Variants in TNFAIP8 observed in about 807,000 individuals in gnomAD.
TNFAIP8 encodes the protein tumor necrosis factor alpha-induced protein 8.
A neutral mutation model predicts 13.3 loss-of-function variants in TNFAIP8; 7 were observed. That is an observed-to-expected ratio of 0.52 (90% CI 0.30 to 0.99). The LOEUF is 0.99. Ranked by LOEUF, TNFAIP8 falls within the 50% of genes least tolerant of loss-of-function variation. The pLI is 0.07. For synonymous variants in TNFAIP8, 94 were observed against 87.6 expected (o/e 1.07, Z -0.41); for missense variants, 258 against 236.9 (o/e 1.09, Z -0.58).
At chr5:119,316,069 A>T (rs1477652655) in intron 1 of TNFAIP8, 2 of 152,090 alleles carry the variant, frequency 1.3e-5, no homozygotes, top group Non-Finnish European at 2.9e-5. Context: ...TAAAGCTGAA[A>T]TAAATTTTTA....
At chr5:119,375,344 G>A (rs1183514195) in intron 1 of TNFAIP8, among the ~76,000 whole-genome samples, 1 of 152,202 alleles carries the variant, frequency 6.6e-6, no homozygotes, top group African/African-American at 2.4e-5. Context: ...TGGAGTGGTG[G>A]ACTTTCTTTT....
Position 119,397,824 on chromosome 5 carries a change from A to G in TNFAIP8, c.*4443A>G, listed in dbSNP as rs1169858108. 6.6e-6 allele frequency: 1 copy of G among 152,258 alleles called. No individual in the cohort carries two copies. Among genetic ancestry groups the G allele is most frequent in the African/African-American group, 2.4e-5 (1 of 41,470 alleles). 9.4% of individuals were successfully genotyped at this position (152,258 alleles called of 1,614,324 possible). Reference sequence around the variant, plus strand: ...TAAGTGTCTGCACGGTCACTTATGTATACCCAAAGCCAGAAAGATATTTTT... The same window carrying G: ...TAAGTGTCTGCACGGTCACTTATGTGTACCCAAAGCCAGAAAGATATTTTT... On this transcript the variant is annotated 3_prime_UTR_variant, in exon 2 of 2. Coordinates refer to ENST00000504771, the MANE Select transcript of TNFAIP8 (RefSeq NM_014350.4).
At chr5:119,391,619 C>A in intron 1 of TNFAIP8, 1 of 475,278 alleles carries the variant, frequency 2.1e-6, no homozygotes, top group Non-Finnish European at 3.9e-6. Flanking sequence ...ATTAGCCGGG[C>A]ATGGTGGAGG....
intron 1 of TNFAIP8, among the ~76,000 whole-genome samples, chr5:119,339,277 A>G (rs1276455626): frequency 6.6e-6 from 1 of 152,102 alleles, no homozygotes; most frequent in Non-Finnish European, 1.5e-5. Flanking sequence ...CTTATTGGCT[A>G]TGGCATCTGC....
rs1753003277 is a variant in TNFAIP8 at position 119,394,039 on chromosome 5, A to G, written c.*658A>G. The G allele has an allele frequency of 6.6e-6, 1 of 152,214 alleles. No individual in the cohort carries two copies. Among genetic ancestry groups the G allele is most frequent in the Non-Finnish European group, 1.5e-5 (1 of 68,038 alleles). 9.4% of individuals were successfully genotyped at this position (152,214 alleles called of 1,614,324 possible). A position where few individuals can be genotyped will look rare whatever the true frequency, so the allele number is the denominator to read the frequency against. On this transcript the variant is annotated 3_prime_UTR_variant, in exon 2 of 2. Transcript: ENST00000504771. ...GAATTGAGTTCTCCTTTTAAGTACC[A>G]ATGATACTTAAATTTCTCAGAAATG...
intron 1 of TNFAIP8, among the ~76,000 whole-genome samples, chr5:119,328,253 A>C (rs1750280687): frequency 6.6e-6 from 1 of 151,542 alleles, no homozygotes; most frequent in Non-Finnish European, 1.5e-5. Context: ...CCTTGTTTCC[A>C]AGAGACAACT....
intron 1 of TNFAIP8, among the ~76,000 whole-genome samples, chr5:119,289,332 TAAAG>T (rs1030268312): frequency 1.5e-4 from 23 of 152,150 alleles, no homozygotes; most frequent in Non-Finnish European, 3.4e-4. Context: ...ATTTATGACT[TAAAG>T]AGAGGCATTC....
chr5:119,340,708 G>A (rs1425380323), intron 1 of TNFAIP8, among the ~76,000 whole-genome samples: 4 of 152,134 alleles, frequency 2.6e-5, no homozygotes, highest in Non-Finnish European at 4.4e-5. Flanking sequence ...CTCCATATCC[G>A]GACATATGAA....
At chr5:119,388,548 A>G (rs909578679) in intron 1 of TNFAIP8, among the ~76,000 whole-genome samples, 2 of 152,238 alleles carry the variant, frequency 1.3e-5, no homozygotes, top group African/African-American at 4.8e-5. Flanking sequence ...AGAGGCAGAC[A>G]ATAAAAATGT....
chr5:119,358,991 C>G (rs1751538708), intron 1 of TNFAIP8, among the ~76,000 whole-genome samples: 1 of 152,148 alleles, frequency 6.6e-6, no homozygotes, highest in Admixed American at 6.5e-5. Flanking sequence ...AGTTCTTACT[C>G]TCATGCCTCA....
chr5:119,273,296 A>G (rs772050767), intron 1 of TNFAIP8, among the ~76,000 whole-genome samples: 3 of 152,250 alleles, frequency 2.0e-5, no homozygotes, highest in African/African-American at 4.8e-5. Flanking sequence ...AGATTGGCCA[A>G]ATAGGTCTCA....
intron 1 of TNFAIP8, among the ~76,000 whole-genome samples, chr5:119,314,282 C>T (rs932833379): frequency 1.3e-5 from 2 of 152,234 alleles, no homozygotes; most frequent in African/African-American, 2.4e-5. Context: ...GTGGTAAGCA[C>T]TCAGTATTAG....
chr5:119,367,123 C>T (rs1038153665), intron 1 of TNFAIP8, among the ~76,000 whole-genome samples: 1 of 152,212 alleles, frequency 6.6e-6, no homozygotes, highest in Non-Finnish European at 1.5e-5. Context: ...AATTGTTTTC[C>T]TCTTTCCCAA....
chr5:119,277,245 T>C (rs1388647606), intron 1 of TNFAIP8, among the ~76,000 whole-genome samples: 6 of 152,210 alleles, frequency 3.9e-5, no homozygotes, highest in Non-Finnish European at 7.3e-5. Flanking sequence ...GATTGTCATA[T>C]GGTTTATTTC....
chr5:119,360,133 C>A (rs1399446353), intron 1 of TNFAIP8, among the ~76,000 whole-genome samples: 1 of 152,166 alleles, frequency 6.6e-6, no homozygotes, highest in Non-Finnish European at 1.5e-5. Context: ...TTTCTTGCCC[C>A]CACCTTACGC....
chr5:119,272,391 C>T (rs1041251671), intron 1 of TNFAIP8, among the ~76,000 whole-genome samples: 4 of 152,124 alleles, frequency 2.6e-5, no homozygotes, highest in African/African-American at 7.2e-5. Flanking sequence ...AGGTAACTTG[C>T]GTAAAGATGT....
chr5:119,332,284 C>T (rs72786152), intron 1 of TNFAIP8, among the ~76,000 whole-genome samples: 2 of 152,002 alleles, frequency 1.3e-5, no homozygotes, highest in African/African-American at 4.8e-5. Flanking sequence ...ATTTGCTTCA[C>T]GTGGTTCTCG....
At chr5:119,313,055 A>G (rs946988511) in intron 1 of TNFAIP8, among the ~76,000 whole-genome samples, 1 of 152,244 alleles carries the variant, frequency 6.6e-6, no homozygotes, top group African/African-American at 2.4e-5. Flanking sequence ...TTATATTAAA[A>G]GAACCTCAAT....
intron 1 of TNFAIP8, among the ~76,000 whole-genome samples, chr5:119,310,863 A>G (rs1391576467): frequency 6.6e-6 from 1 of 152,102 alleles, no homozygotes; most frequent in Non-Finnish European, 1.5e-5. Context: ...CATTTCTCTG[A>G]GAGCAGGGGT....
Sources: gnomAD v4.1 joint callset for allele counts (sites outside exome capture counted in the v4.1 genomes callset) on GRCh38, gnomAD v4.1.1 for gene constraint, MANE v1.5 for transcripts, NCBI Gene and HGNC (gene_info 2026-07-23, HGNC 2026-07-21) for gene names.